DNAH6: variants seen among roughly 807,000 people sequenced by gnomAD.
DNAH6 encodes dynein axonemal heavy chain 6.
Under a neutral mutation model 491.4 loss-of-function variants are expected in DNAH6, and 340 were observed. The observed-to-expected ratio is 0.69, with a 90% CI of 0.63 to 0.76. The LOEUF is 0.76. DNAH6 is among the 30% of genes least tolerant of loss of function. The pLI is 0.00. For missense variants in DNAH6, 4,443 were observed against 4,972.2 expected (o/e 0.89, Z 3.20); for synonymous variants, 1,603 against 1,686.1 (o/e 0.95, Z 1.21).
In DNAH6 at chr2:84,705,583, G is replaced by A. The variant is rs1573547496; in HGVS notation, c.8563G>A (p.Ala2855Thr). The change falls in exon 52 of 77, where the codon GCA (alanine) becomes ACA (threonine). Residue 2855 changes from alanine to threonine, a missense_variant. Around this residue, in one of 3 missense-constraint regions of DNAH6, gnomAD observed 1,463 missense variants for 1,656.6 expected, o/e 0.88. Transcript: ENST00000389394. Reference protein sequence around the residue: ...DKENIKPQILAKLQKYINNPD... With the variant: ...DKENIKPQILTKLQKYINNPD... ...GGAGAACATAAAGCCTCAGATATTG[G>A]CAAAGCTTCAAAAGTATATTAATAA... 1 of 1,551,496 alleles carries A rather than the reference G, an allele frequency of 6.4e-7. No homozygotes were observed. The highest frequency in any genetic ancestry group is 8.7e-7 in the Non-Finnish European group (1 of 1,146,940).
intron 41 of DNAH6, among the ~76,000 whole-genome samples, chr2:84,677,452 A>G (rs1420988189): frequency 1.3e-5 from 2 of 152,122 alleles, no homozygotes; most frequent in Non-Finnish European, 2.9e-5. Flanking sequence ...AGATCTCATC[A>G]CTACCCAGCC....
chr2:84,680,039 A>AT lies in DNAH6; in HGVS notation c.6745-1316dup, dbSNP rs767483144. ...GGACAGATTTTCATCAAATTTAAAG[A>AT]TTGGGTTTGAGATGGTCCTACATAA... On this transcript the variant is annotated intron_variant, in intron 41 of 76. Transcript: ENST00000389394. Among the ~76,000 whole-genome samples, 5 of 152,270 alleles carry AT rather than the reference A, an allele frequency of 3.3e-5. No homozygotes were observed. The East Asian group carries it at 9.7e-4, about 29-fold the overall frequency.
chr2:84,779,472 T>G (rs1226664026), intron 64 of DNAH6, among the ~76,000 whole-genome samples: 1 of 152,240 alleles, frequency 6.6e-6, no homozygotes, highest in African/African-American at 2.4e-5. Context: ...CCTCTTCTCT[T>G]GTTTTCCTTT....
chr2:84,684,970 G>A (rs1384789504), intron 42 of DNAH6, among the ~76,000 whole-genome samples: 1 of 152,152 alleles, frequency 6.6e-6, no homozygotes, highest in African/African-American at 2.4e-5. Context: ...TGCAAGATAA[G>A]TAAATATATA....
intron 37 of DNAH6, among the ~76,000 whole-genome samples, chr2:84,664,861 C>T (rs1403809455): frequency 6.6e-6 from 1 of 152,218 alleles, no homozygotes; most frequent in African/African-American, 2.4e-5. Flanking sequence ...AAGCACTCCT[C>T]AACAAATGTA....
intron 47 of DNAH6, 112 bp from the exon 48 acceptor site, chr2:84,699,482 A>G (rs188325832): frequency 5.2e-4 from 470 of 909,342 alleles, no homozygotes; most frequent in Non-Finnish European, 7.0e-4. Context: ...CATATCTACT[A>G]TGCTGACATT....
intron 52 of DNAH6, among the ~76,000 whole-genome samples, chr2:84,706,128 C>T (rs1161471238): frequency 1.3e-5 from 2 of 152,162 alleles, no homozygotes; most frequent in Non-Finnish European, 2.9e-5. Context: ...TGAGGCCCTT[C>T]ATCTTCCCAA....
chr2:84,730,342 A>G (rs1699021432), intron 61 of DNAH6, among the ~76,000 whole-genome samples: 1 of 152,240 alleles, frequency 6.6e-6, no homozygotes, highest in Non-Finnish European at 1.5e-5. Flanking sequence ...GCAGGTTTCT[A>G]TTACATGTGG....
At chr2:84,686,855 T>C (rs898262115) in intron 44 of DNAH6, among the ~76,000 whole-genome samples, 13 of 152,188 alleles carry the variant, frequency 8.5e-5, no homozygotes, top group African/African-American at 3.1e-4. Context: ...GCCTAAAATA[T>C]TTACTATCAG....
chr2:84,669,468 C>A lies in DNAH6; in HGVS notation c.6264C>A (p.Val2088=), dbSNP rs1051029836. 15 of 1,551,736 alleles carry A rather than the reference C, an allele frequency of 9.7e-6. No homozygotes were observed. The African/African-American group carries it at 1.8e-4, about 18-fold the overall frequency. The change falls in exon 38 of 77, where the codon GTC becomes GTA. Residue 2088 remains valine, a synonymous_variant. Coordinates refer to ENST00000389394, the MANE Select transcript of DNAH6 (RefSeq NM_001370.2). ...ATCTAATGGAAAAACTACTGGCAGT[C>A]AAGCATTCCGTGTTGTTTACTGGAA... is the stretch of plus-strand genomic sequence containing the variant. ...YGYLMEKLLA[V]KHSVLFTGIT...
upstream of DNAH6, among the ~76,000 whole-genome samples, chr2:84,512,406 A>G (rs1269034250): frequency 6.6e-6 from 1 of 152,148 alleles, no homozygotes; most frequent in East Asian, 1.9e-4. Flanking sequence ...CTTCTCAATA[A>G]CTACCCTACT....
chr2:84,760,535 G>T (rs533946435), intron 63 of DNAH6, among the ~76,000 whole-genome samples: 2 of 152,014 alleles, frequency 1.3e-5, no homozygotes, highest in Non-Finnish European at 2.9e-5. Context: ...CATACAAATG[G>T]CTAACAGGTA....
the DNAH6 span, among the ~76,000 whole-genome samples, chr2:84,489,511 C>CA: frequency 1.3e-5 from 2 of 152,078 alleles, no homozygotes; most frequent in African/African-American, 4.8e-5. Context: ...CAAGGCCTTC[C>CA]AAAGGCCCCA....
chr2:84,712,995 A>T, intron 56 of DNAH6, 100 bp from the exon 57 acceptor site: 1 of 994,504 alleles, frequency 1.0e-6, no homozygotes, highest in Non-Finnish European at 1.5e-6. Context: ...AAAATTATTC[A>T]TTCACAGTAC....
upstream of DNAH6, among the ~76,000 whole-genome samples, chr2:84,513,037 A>T (rs1284667785): frequency 6.6e-6 from 1 of 151,422 alleles, no homozygotes; most frequent in Non-Finnish European, 1.5e-5. Context: ...TTATTTTTCA[A>T]TTCTTTCACT....
At chr2:84,798,810 C>T (rs1678590065) in intron 70 of DNAH6, among the ~76,000 whole-genome samples, 1 of 152,158 alleles carries the variant, frequency 6.6e-6, no homozygotes, top group Non-Finnish European at 1.5e-5. Context: ...GTGCTTGACC[C>T]CTAGGGGCCA....
chr2:84,761,820 A>ACG (rs1674614469), intron 63 of DNAH6, among the ~76,000 whole-genome samples: 1 of 151,696 alleles, frequency 6.6e-6, no homozygotes, highest in Non-Finnish European at 1.5e-5. Flanking sequence ...ACACACACAC[A>ACG]CAGAATAAGG....
intron 21 of DNAH6, 148 bp from the exon 22 acceptor site, chr2:84,611,526 G>T: frequency 1.5e-6 from 1 of 671,738 alleles, no homozygotes; most frequent in Non-Finnish European, 2.5e-6. Context: ...GACCTTGTAA[G>T]GAATTTAATT....
At position 84,544,349 on chromosome 2, in the gene DNAH6, AAT is replaced by A. The variant is rs1678568206; in HGVS notation, c.782_783del (p.Tyr261SerfsTer8). 1 of 1,545,904 alleles carries A rather than the reference AAT, an allele frequency of 6.5e-7. No homozygotes were observed. Among genetic ancestry groups the A allele is most frequent in the African/African-American group, 1.4e-5 (1 of 72,956 alleles). On this transcript the variant is annotated frameshift_variant, in exon 5 of 77. Transcript: ENST00000389394. LOFTEE classifies it high-confidence loss of function. ...ATCGAAATTGATCGATGGGAACAGG[AAT>A]ATCTGTATCACAGAGAACTCACTAA...
Sources: allele counts gnomAD v4.1 joint callset (sites outside exome capture counted in the v4.1 genomes callset), GRCh38; gene constraint gnomAD v4.1.1; regional missense constraint gnomAD v4.1.1; transcripts MANE v1.5; gene names NCBI Gene and HGNC (gene_info 2026-07-23, HGNC 2026-07-21).